The following CTNNA2 variants were observed in gnomAD, a reference collection of about 807,000 sequenced individuals.
CTNNA2 encodes the protein catenin alpha-2.
A neutral mutation model predicts 101.0 loss-of-function variants in CTNNA2; 42 were observed. The ratio of observed to expected loss-of-function variants is 0.42; its 90% confidence interval spans 0.32 to 0.54. The LOEUF (loss-of-function observed/expected upper bound fraction) is 0.54. Among genes scored for constraint, CTNNA2 ranks in the 20% least tolerant of loss-of-function variants. The probability of loss-of-function intolerance (pLI) is 0.14; values close to 1 mark genes in which losing one functional copy is unlikely to be tolerated. For synonymous variants in CTNNA2, 450 were observed against 456.4 expected, an observed-to-expected ratio of 0.99 and a Z score of 0.18; for missense variants, 871 against 1,223.1, an observed-to-expected ratio of 0.71 and a Z score of 4.29.
intron 2 of CTNNA2, among the ~76,000 whole-genome samples, chr2:79,222,806 T>C (rs1381193772): frequency 6.6e-6 from 1 of 151,930 alleles, no homozygotes. Context: ...TGGGAGGTGA[T>C]TAGATCAGAA....
At chr2:79,285,017 A>G (rs1310455538) in intron 2 of CTNNA2, among the ~76,000 whole-genome samples, 2 of 125,292 alleles carry the variant, frequency 1.6e-5, no homozygotes, top group Non-Finnish European at 3.4e-5. Flanking sequence ...GAATTTATCC[A>G]TTTCTTCTAG....
chr2:79,570,152 G>T (rs1675373180), intron 1 of CTNNA2, among the ~76,000 whole-genome samples: 1 of 152,096 alleles, frequency 6.6e-6, no homozygotes, highest in Non-Finnish European at 1.5e-5. Flanking sequence ...TAAAGAGATG[G>T]ATTTCTAAGT....
intron 9 of CTNNA2, among the ~76,000 whole-genome samples, chr2:80,475,279 A>G (rs1466742572): frequency 2.0e-5 from 3 of 152,166 alleles, no homozygotes; most frequent in Non-Finnish European, 4.4e-5. Context: ...ATTAGAGCAT[A>G]CTGGGTTTTA....
chr2:80,255,174 A>T (rs79745986), intron 7 of CTNNA2, among the ~76,000 whole-genome samples: 1,888 of 152,192 alleles, frequency 0.012, 33 homozygotes, highest in African/African-American at 0.042. Flanking sequence ...TAATCCTTTC[A>T]TGGTTAGCAG....
chr2:79,692,397 T>G (rs1378233020), intron 2 of CTNNA2, among the ~76,000 whole-genome samples: 2 of 152,088 alleles, frequency 1.3e-5, no homozygotes, highest in Admixed American at 1.3e-4. Context: ...TGTGGAGAAA[T>G]AGGAATGCTT....
chr2:80,031,729 T>C (rs1316999308), intron 7 of CTNNA2, among the ~76,000 whole-genome samples: 2 of 152,222 alleles, frequency 1.3e-5, no homozygotes, highest in Non-Finnish European at 2.9e-5. Context: ...TGAAAACATA[T>C]ACATGAATTC....
intron 7 of CTNNA2, among the ~76,000 whole-genome samples, chr2:80,338,128 A>G (rs1324315602): frequency 6.6e-6 from 1 of 151,856 alleles, no homozygotes; most frequent in South Asian, 2.1e-4. Flanking sequence ...AGCTGGGACT[A>G]CAGGTATGTG....
chr2:80,005,811 A>G (rs907159214), intron 7 of CTNNA2, among the ~76,000 whole-genome samples: 19 of 151,644 alleles, frequency 1.3e-4, no homozygotes, highest in South Asian at 2.1e-4. Flanking sequence ...AAGAATGAGG[A>G]CATTTTCATA....
At chr2:80,573,575 A>C (rs1447483795) in intron 12 of CTNNA2, among the ~76,000 whole-genome samples, 1 of 152,092 alleles carries the variant, frequency 6.6e-6, no homozygotes, top group East Asian at 1.9e-4. Context: ...CATTTCTGAC[A>C]AAAGTGGGAA....
chr2:80,215,123 C>T (rs1220130531), intron 7 of CTNNA2, among the ~76,000 whole-genome samples: 2 of 152,088 alleles, frequency 1.3e-5, no homozygotes, highest in Admixed American at 6.6e-5. Context: ...CATTTAAGGT[C>T]TTCTCTGTGC....
At chr2:79,529,712 AAT>A (rs68175124) in intron 1 of CTNNA2, among the ~76,000 whole-genome samples, 62,211 of 151,378 alleles carry the variant, frequency 0.41, 13,702 homozygotes, top group Non-Finnish European at 0.49. Flanking sequence ...TTGGAAAAGA[AAT>A]ATGTTACTCC....
chr2:80,551,810 G>T (rs763375726), intron 11 of CTNNA2, among the ~76,000 whole-genome samples: 13 of 152,194 alleles, frequency 8.5e-5, no homozygotes, highest in Admixed American at 3.3e-4. Context: ...CATTGGAGTA[G>T]CACTTTTAAT....
intron 8 of CTNNA2, among the ~76,000 whole-genome samples, chr2:80,411,776 C>T (rs1679593410): frequency 6.6e-6 from 1 of 152,150 alleles, no homozygotes; most frequent in Non-Finnish European, 1.5e-5. Context: ...TCTATTGTCT[C>T]AGTCTCCTCA....
At chr2:79,448,305 A>G (rs1370704571) in intron 4 of CTNNA2, among the ~76,000 whole-genome samples, 1 of 151,986 alleles carries the variant, frequency 6.6e-6, no homozygotes, top group Non-Finnish European at 1.5e-5. Context: ...TGTAGTCTTT[A>G]TGAACTGTTT....
In CTNNA2 at chr2:80,519,885, C is replaced by CA. The variant is rs2149571127; in HGVS notation, c.1291-25096dup. ...AGGTGTCCTCACTTTGGGGAAGTGA[C>CA]ACCAGAGACCATCCTCTGGAACAAC... On this transcript the variant is annotated intron_variant, in intron 9 of 18. Coordinates refer to ENST00000402739, the MANE Select transcript of CTNNA2 (RefSeq NM_001282597.3). 2.0e-5 allele frequency among the ~76,000 whole-genome samples: 3 copies of CA among 152,298 alleles called. No homozygotes were observed. In the East Asian group the frequency reaches 5.8e-4, roughly 29 times the overall value.
At chr2:79,498,340 A>T (rs774231172) in intron 4 of CTNNA2, among the ~76,000 whole-genome samples, 16 of 152,160 alleles carry the variant, frequency 1.1e-4, no homozygotes, top group Non-Finnish European at 2.1e-4. Context: ...GGGACTGGAG[A>T]TGTCCTGTGT....
At chr2:80,236,613 G>A (rs993506136) in intron 7 of CTNNA2, among the ~76,000 whole-genome samples, 6 of 152,190 alleles carry the variant, frequency 3.9e-5, no homozygotes, top group Non-Finnish European at 8.8e-5. Context: ...CAGGAGGAAA[G>A]GAAAATGGAT....
At chr2:79,239,114 T>C (rs1449684377) in intron 2 of CTNNA2, among the ~76,000 whole-genome samples, 1 of 152,030 alleles carries the variant, frequency 6.6e-6, no homozygotes, top group Non-Finnish European at 1.5e-5. Context: ...CTTTCCTTCC[T>C]CCAACCTCAT....
intron 1 of CTNNA2, among the ~76,000 whole-genome samples, chr2:79,527,555 G>A (rs1441219531): frequency 1.3e-5 from 2 of 151,398 alleles, no homozygotes; most frequent in Admixed American, 1.3e-4. Flanking sequence ...TGAGGCAGGA[G>A]AATAGCTTGA....
Sources: allele counts gnomAD v4.1 joint callset (sites outside exome capture counted in the v4.1 genomes callset), GRCh38; gene constraint gnomAD v4.1.1; transcripts MANE v1.5; gene names NCBI Gene and HGNC (gene_info 2026-07-23, HGNC 2026-07-21).